EMC10: variants seen among roughly 807,000 people sequenced by gnomAD.
EMC10 encodes UPF0510 protein INM02.
In EMC10, 40 loss-of-function variants were observed where a neutral mutation model predicts 32.2. The ratio of observed to expected loss-of-function variants is 1.24; its 90% CI spans 0.96 to 1.61. The LOEUF is 1.61. Ranked by LOEUF, EMC10 falls within the 40% of genes most tolerant of loss-of-function variation. EMC10 has a pLI of 0.00. For missense variants in EMC10, 402 were observed against 357.7 expected (o/e 1.12, Z -1.00); for synonymous variants, 178 against 158.4 (o/e 1.12, Z -0.93).
rs150801533 is a variant in EMC10 at position 50,484,018 on chromosome 19, C to CTTTTTTTTTTTTTTTTTTTTTTTTT, written c.*1762_*1786dup. On this transcript the variant is annotated 3_prime_UTR_variant, in exon 7 of 7. Coordinates refer to ENST00000334976, the MANE Select transcript of EMC10 (RefSeq NM_206538.4). ...AGGATTCCAGAAATATTTACTAATG[C>CTTTTTTTTTTTTTTTTTTTTTTTTT]TTTTTTTTTTTTTTTTTTTTTTTTT... 1.8e-4 allele frequency: 9 copies of CTTTTTTTTTTTTTTTTTTTTTTTTT among 50,778 alleles called. 4 individuals carry two copies. The highest frequency in any genetic ancestry group is 2.6e-4 in the Non-Finnish European group (8 of 30,320). The allele number at this position is 50,778 out of a possible 1,614,324, so 3.1% of individuals were successfully genotyped here.
In EMC10 at chr19:50,480,874, C is replaced by A. The variant is rs1234590608; in HGVS notation, c.585-10C>A. The A allele has an allele frequency of 1.3e-6, 2 of 1,597,042 alleles. No homozygotes were observed. Among genetic ancestry groups the A allele is most frequent in the African/African-American group, 2.7e-5 (2 of 74,462 alleles). The stretch of plus-strand genomic sequence containing the variant: ...GGCCTCACCCTTCTCCTCCTCTCCC[C>A]TTGCCCCAGCCCTGAGACGGCGGCC... On this transcript the variant is annotated splice_polypyrimidine_tract_variant and intron_variant, in intron 5 of 6. Transcript: ENST00000334976. This position sits in a 1 kb window ranked among gnomAD's most constrained non-coding sequence, Gnocchi z 4.4.
rs780104522 is a variant in EMC10, at chr19:50,479,014, C to T, written c.245C>T (p.Thr82Ile). Residue 82 changes from threonine (T) to isoleucine (I), a missense_variant, in exon 3 of 7, where the codon ACC becomes ATC. By Grantham distance (89) the Thr-to-Ile change is moderately conservative (BLOSUM62 -1). Transcript: ENST00000334976. ...CTGCTCTGGAACCAGCAGGATGGTA[C>T]CTTGTCCCTGTCACAGCGGCAGCTC... ...GSLLWNQQDG[T>I]LSLSQRQLSE... is the part of the protein sequence containing the mutation. 12 of 1,611,380 alleles carry T rather than the reference C, an allele frequency of 7.4e-6. No individual in the cohort carries two copies. The highest frequency in any genetic ancestry group is 1.0e-5 in the Non-Finnish European group (12 of 1,179,602).
rs2040366912 is a variant in EMC10, at chr19:50,484,343, G to GTCAA, written c.*2084_*2085insTCAA. 6.6e-6 allele frequency: 1 copy of GTCAA among 152,090 alleles called. No individual in the cohort carries two copies. The highest frequency in any genetic ancestry group is 6.6e-5 in the Admixed American group (1 of 15,252). 9.4% of individuals were successfully genotyped at this position (152,090 alleles called of 1,614,324 possible). A position where few individuals can be genotyped will look rare whatever the true frequency, so the allele number is the denominator to read the frequency against. ...GCGCCAGGCCTACTGATGCTTTTTG[G>GTCAA]GAAGTGTTCCCAACTTGGAGTCCTG... is the stretch of plus-strand genomic sequence containing the variant. On this transcript the variant is annotated 3_prime_UTR_variant, in exon 7 of 7. Transcript: ENST00000334976.
At position 50,485,039 on chromosome 19, in the gene EMC10, G is replaced by GCAGT. The variant is rs1339578185; in HGVS notation, c.*2781_*2784dup. 6.6e-6 allele frequency: 1 copy of GCAGT among 152,186 alleles called. No individual in the cohort carries two copies. Among genetic ancestry groups the GCAGT allele is most frequent in the Non-Finnish European group, 1.5e-5 (1 of 68,036 alleles). The allele number at this position is 152,186 out of a possible 1,614,324, so 9.4% of individuals were successfully genotyped here. On this transcript the variant is annotated 3_prime_UTR_variant, in exon 7 of 7. Coordinates refer to ENST00000334976, the MANE Select transcript of EMC10 (RefSeq NM_206538.4). The stretch of plus-strand genomic sequence containing the variant: ...CCCACCTTCTTTTGACATAGCTGGG[G>GCAGT]CAGTTTCCATCTCTGGTATAAGGTG...
rs1313244959 is a variant in EMC10, at chr19:50,479,054, G to C, written c.285G>C (p.Arg95=). 1.1e-5 allele frequency: 18 copies of C among 1,605,790 alleles called. No individual in the cohort carries two copies. Among genetic ancestry groups the C allele is most frequent in the Non-Finnish European group, 1.5e-5 (18 of 1,177,342 alleles). ...LSQRQLSEEE[R]GRLRDVAALN... ...AGCGGCAGCTCAGCGAGGAGGAGCG[G>C]GGCCGACTCCGGGTGAGGTGGGGCC... The change falls in exon 3 of 7, where the codon CGG becomes CGC. Residue 95 remains arginine, a synonymous_variant. Transcript: ENST00000334976.
At chr19:50,481,779 C>G (rs2040322516) in intron 6 of EMC10, 1 of 1,276,422 alleles carries the variant, frequency 7.8e-7, no homozygotes, top group Non-Finnish European at 1.1e-6. Context: ...CTGCTGCCCA[C>G]TCGAGCGCCC....
Position 50,484,094 on chromosome 19 carries a change from C to T in EMC10, c.*1835C>T, listed in dbSNP as rs1488855522. The T allele has an allele frequency of 3.1e-5, 4 of 127,670 alleles. No individual in the cohort carries two copies. Among genetic ancestry groups the T allele is most frequent in the African/African-American group, 1.2e-4 (4 of 33,332 alleles). The allele number at this position is 127,670 out of a possible 1,614,324, so 7.9% of individuals were successfully genotyped here. On this transcript the variant is annotated 3_prime_UTR_variant, in exon 7 of 7. Transcript: ENST00000334976. ...CCAGGCTGGAGTACAATGGCACGAT[C>T]TCAGCTCACTGCAACCTCCGCTTCC...
chr19:50,482,212 CAGGGTGGGGGTGGGGGTG>C lies in EMC10; in HGVS notation c.743_760del (p.Gln248_Gly254delinsArg). On this transcript the variant is annotated inframe_deletion, in exon 7 of 7. Coordinates refer to ENST00000334976, the MANE Select transcript of EMC10 (RefSeq NM_206538.4). ...GTCAGGAGCGCCAGACACCGGGGGC[CAGGGTGGGGGTGGGGGTG>C]GGGGTGGTGGTGGGGGTAGTGGCCG... 1 of 369,308 alleles carries C rather than the reference CAGGGTGGGGGTGGGGGTG, an allele frequency of 2.7e-6. No homozygotes were observed. Among genetic ancestry groups the C allele is most frequent in the Non-Finnish European group, 3.8e-6 (1 of 264,302 alleles). 22.9% of individuals were successfully genotyped at this position (369,308 alleles called of 1,614,324 possible). A position where few individuals can be genotyped will look rare whatever the true frequency, so the allele number is the denominator to read the frequency against.
At chr19:50,482,100 T>C (rs752681190) in intron 6 of EMC10, 49 bp from the exon 7 acceptor site, 69 of 1,268,764 alleles carry the variant, frequency 5.4e-5, no homozygotes, top group Middle Eastern at 1.9e-4. Context: ...CTCCTTCCCC[T>C]CTCTCTCTCT....
At position 50,481,817 on chromosome 19, in the gene EMC10, C is replaced by T. The variant is rs970160616; in HGVS notation, c.679-332C>T. 14 of 1,499,948 alleles carry T rather than the reference C, an allele frequency of 9.3e-6. No homozygotes were observed. In the African/African-American group the frequency reaches 1.7e-4, roughly 18 times the overall value. The allele number at this position is 1,499,948 out of a possible 1,614,324, so 92.9% of individuals were successfully genotyped here. On this transcript the variant is annotated intron_variant, in intron 6 of 6. Transcript: ENST00000334976. ...CCACTCCCTGCTGGCCCTCAGGCCC[C>T]ACGGCAGCCCACTGGCCCTGACCTG...
Position 50,479,966 on chromosome 19 carries a change from T to G in EMC10, c.298-145T>G, listed in dbSNP as rs1408779806. 4.6e-6 allele frequency: 3 copies of G among 648,422 alleles called. No individual in the cohort carries two copies. The Admixed American group carries it at 8.8e-5, about 19-fold the overall frequency. 40.2% of individuals were successfully genotyped at this position (648,422 alleles called of 1,614,324 possible). ...CCACCCCAACAGGAAGAGTCCTGGG[T>G]CGACTCAGGTTGGCTGGCCTGGGGA... On this transcript the variant is annotated intron_variant, in intron 3 of 6. Coordinates refer to ENST00000334976, the MANE Select transcript of EMC10 (RefSeq NM_206538.4).
Position 50,485,948 on chromosome 19 carries a change from G to A in EMC10, c.*3689G>A, listed in dbSNP as rs1352521539. On this transcript the variant is annotated 3_prime_UTR_variant, in exon 7 of 7. Coordinates refer to ENST00000334976, the MANE Select transcript of EMC10 (RefSeq NM_206538.4). ...TGTGAGAGCACCTGGCAAGGTAAATGCTCCAGGAGGGGTTGCTCCCTCCCA... is the reference window on the plus strand; with the variant it reads ...TGTGAGAGCACCTGGCAAGGTAAATACTCCAGGAGGGGTTGCTCCCTCCCA... 1 of 152,128 alleles carries A rather than the reference G, an allele frequency of 6.6e-6. No homozygotes were observed. The highest frequency in any genetic ancestry group is 1.9e-4 in the East Asian group (1 of 5,184). 9.4% of individuals were successfully genotyped at this position (152,128 alleles called of 1,614,324 possible). A position where few individuals can be genotyped will look rare whatever the true frequency, so the allele number is the denominator to read the frequency against.
At chr19:50,481,806 C>T (rs1022707601) in intron 6 of EMC10, 3 of 1,468,626 alleles carry the variant, frequency 2.0e-6, no homozygotes, top group Non-Finnish European at 1.8e-6. Context: ...TCCCTGCTGG[C>T]CCTCAGGCCC....
rs1324495301 is a variant in EMC10 at position 50,488,429 on chromosome 19, G to A, written c.*6170G>A. On this transcript the variant is annotated 3_prime_UTR_variant, in exon 7 of 7. Transcript: ENST00000334976. ...AAAACAGAAGAGGAAAGAAAGACGA[G>A]GGGGTGAAAAAAGGGACAGGAAGGA... 1 of 151,352 alleles carries A rather than the reference G, an allele frequency of 6.6e-6. No individual in the cohort carries two copies. Among genetic ancestry groups the A allele is most frequent in the Admixed American group, 6.6e-5 (1 of 15,116 alleles). 9.4% of individuals were successfully genotyped at this position (151,352 alleles called of 1,614,324 possible). A position where few individuals can be genotyped will look rare whatever the true frequency, so the allele number is the denominator to read the frequency against.
At position 50,482,970 on chromosome 19, in the gene EMC10, C is replaced by A; in HGVS notation, c.*711C>A. ...AAAGGTTTAAGAAAGAAAACAAAAC[C>A]AACAGTTAGTGGAGTCAAAGCCCAG... On this transcript the variant is annotated 3_prime_UTR_variant, in exon 7 of 7. Transcript: ENST00000334976. 1 of 578,998 alleles carries A rather than the reference C, an allele frequency of 1.7e-6. No individual in the cohort carries two copies. 35.9% of individuals were successfully genotyped at this position (578,998 alleles called of 1,614,324 possible).
In EMC10 at chr19:50,482,558, A is replaced by T; in HGVS notation, c.*299A>T. ...AGCCCGAGATCCTGGCCACTATGCC[A>T]GTTCTGACCTCGCATCCCCCTACCC... is the stretch of plus-strand genomic sequence containing the variant. On this transcript the variant is annotated 3_prime_UTR_variant, in exon 7 of 7. Coordinates refer to ENST00000334976, the MANE Select transcript of EMC10 (RefSeq NM_206538.4). The T allele has an allele frequency of 1.9e-6, 1 of 537,762 alleles. No homozygotes were observed. The highest frequency in any genetic ancestry group is 2.8e-5 in the South Asian group (1 of 36,142). The allele number at this position is 537,762 out of a possible 1,614,324, so 33.3% of individuals were successfully genotyped here.
chr19:50,477,570 G>T (rs905731653), intron 1 of EMC10, among the ~76,000 whole-genome samples: 1 of 152,182 alleles, frequency 6.6e-6, no homozygotes, highest in Non-Finnish European at 1.5e-5. Context: ...CTATTGGGCT[G>T]TCAGGTGATA....
chr19:50,478,312 C>G (rs1310657445), intron 2 of EMC10, among the ~76,000 whole-genome samples: 5 of 152,214 alleles, frequency 3.3e-5, no homozygotes, highest in Non-Finnish European at 5.9e-5. Flanking sequence ...CAGATGTCCT[C>G]ACAGCAGCCA....
chr19:50,480,230 G>C lies in EMC10; in HGVS notation c.402+15G>C. The stretch of plus-strand genomic sequence containing the variant: ...TTGTCCCTGCGGTGAGTTGGTGTCG[G>C]GGATGAGCCCCCTTCTCCCTCGTCC... On this transcript the variant is annotated intron_variant, in intron 4 of 6. Coordinates refer to ENST00000334976, the MANE Select transcript of EMC10 (RefSeq NM_206538.4). The surrounding 1 kb of genome is among the most constrained non-coding windows in gnomAD (Gnocchi z 4.4). 21 of 1,607,520 alleles carry C rather than the reference G, an allele frequency of 1.3e-5. No homozygotes were observed. Among genetic ancestry groups the C allele is most frequent in the Non-Finnish European group, 1.8e-5 (21 of 1,175,742 alleles).
Sources: allele counts gnomAD v4.1 joint callset (sites outside exome capture counted in the v4.1 genomes callset), GRCh38; gene constraint gnomAD v4.1.1; non-coding constraint Gnocchi (gnomAD v3.1); transcripts MANE v1.5; gene names NCBI Gene and HGNC (gene_info 2026-07-23, HGNC 2026-07-21).